Variants in ING3 observed in about 807,000 individuals in gnomAD.
ING3 encodes inhibitor of growth protein 3.
A neutral mutation model predicts 64.8 loss-of-function variants in ING3; 6 were observed. That is an observed-to-expected ratio of 0.09 (90% CI 0.05 to 0.18). ING3 has a LOEUF of 0.18. Ranked by LOEUF, ING3 falls within the 10% of genes least tolerant of loss-of-function variation. The pLI, the probability that ING3 is intolerant of heterozygous loss-of-function variation, is 1.00. For missense variants in ING3, 310 were observed against 489.7 expected (o/e 0.63, Z 3.46); for synonymous variants, 170 against 173.7 (o/e 0.98, Z 0.17).
chr7:120,969,704 A>G (rs1412713183), intron 9 of ING3, among the ~76,000 whole-genome samples: 1 of 152,184 alleles, frequency 6.6e-6, no homozygotes, highest in Non-Finnish European at 1.5e-5. Flanking sequence ...ATGACTGTAT[A>G]AGCTTTAAAT....
At chr7:120,973,722 CT>C (rs1258649419) in intron 11 of ING3, among the ~76,000 whole-genome samples, 4 of 152,096 alleles carry the variant, frequency 2.6e-5, no homozygotes, top group African/African-American at 9.7e-5. Flanking sequence ...AGAGCCACCC[CT>C]GATCTAAAAA....
rs557517010 is a variant in ING3, at chr7:120,974,365, A to C, written c.1141-363A>C. Reference sequence around the variant, plus strand: ...ATTCTACTTTATGAGACAGCAAATAAGGCTGACTATTAAATAAAATCTTAA... The same window carrying C: ...ATTCTACTTTATGAGACAGCAAATACGGCTGACTATTAAATAAAATCTTAA... On this transcript the variant is annotated intron_variant, in intron 11 of 11. Coordinates refer to ENST00000315870, the MANE Select transcript of ING3 (RefSeq NM_019071.3). Among the ~76,000 whole-genome samples the C allele has an allele frequency of 8.5e-5, 13 of 152,344 alleles. No individual in the cohort carries two copies. The East Asian group carries it at 2.5e-3, about 29-fold the overall frequency.
chr7:120,968,503 C>G (rs1183420595), intron 8 of ING3, among the ~76,000 whole-genome samples: 1 of 152,022 alleles, frequency 6.6e-6, no homozygotes, highest in African/African-American at 2.4e-5. Flanking sequence ...GCTGCCCATC[C>G]CATAGTTTAT....
intron 6 of ING3, among the ~76,000 whole-genome samples, chr7:120,966,987 A>G: frequency 6.6e-6 from 1 of 152,174 alleles, no homozygotes; most frequent in South Asian, 2.1e-4. Flanking sequence ...TCAACTGAGC[A>G]TTCTCCTTAG....
chr7:120,956,164 A>C lies in ING3; in HGVS notation c.267+540A>C, dbSNP rs373539829. Reference sequence around the variant, plus strand: ...AACAAGATTCTTTTTTTGCAGCAGCACTTCTAAAAGATTGAAAACACCAAG... The same window carrying C: ...AACAAGATTCTTTTTTTGCAGCAGCCCTTCTAAAAGATTGAAAACACCAAG... On this transcript the variant is annotated intron_variant, in intron 4 of 11. Coordinates refer to ENST00000315870, the MANE Select transcript of ING3 (RefSeq NM_019071.3). 44 of 1,604,388 alleles carry C rather than the reference A, an allele frequency of 2.7e-5. 1 individual carries two copies. Among genetic ancestry groups the C allele is most frequent in the Non-Finnish European group, 3.3e-5 (39 of 1,172,604 alleles).
intron 4 of ING3, among the ~76,000 whole-genome samples, chr7:120,958,292 T>TA (rs979010074): frequency 1.6e-4 from 25 of 152,260 alleles, no homozygotes; most frequent in Non-Finnish European, 2.6e-4. Flanking sequence ...ATCCTTAATA[T>TA]AAAAAATCCC....
intron 4 of ING3, among the ~76,000 whole-genome samples, chr7:120,957,403 GC>G (rs1193034198): frequency 6.6e-6 from 1 of 151,876 alleles, no homozygotes; most frequent in African/African-American, 2.4e-5. Flanking sequence ...ACTAGAAATG[GC>G]TCTTGTCCTC....
At chr7:120,961,471 C>G (rs753834814) in intron 4 of ING3, among the ~76,000 whole-genome samples, 1 of 152,146 alleles carries the variant, frequency 6.6e-6, no homozygotes, top group Non-Finnish European at 1.5e-5. Context: ...GTATTGGAAG[C>G]AGTAGATCAT....
intron 4 of ING3, chr7:120,956,357 G>C (rs141185906): frequency 7.3e-7 from 1 of 1,364,104 alleles, no homozygotes; most frequent in Non-Finnish European, 9.5e-7. Flanking sequence ...TAACTTCAGT[G>C]TATAGATTTC....
chr7:120,952,241 A>G (rs952620738), intron 2 of ING3, among the ~76,000 whole-genome samples: 12 of 152,230 alleles, frequency 7.9e-5, no homozygotes, highest in Middle Eastern at 3.2e-3. Context: ...GAGCACAGAC[A>G]TTGATGTCAG....
intron 4 of ING3, chr7:120,956,118 A>C (rs1795842517): frequency 1.5e-6 from 2 of 1,330,090 alleles, no homozygotes; most frequent in East Asian, 4.6e-5. Flanking sequence ...TTGTTTAAGC[A>C]ATACAAGATG....
At position 120,967,565 on chromosome 7, in the gene ING3, C is replaced by A. The variant is rs761324262; in HGVS notation, c.473C>A (p.Thr158Lys). ...KYNPTSHHTT[T>K]DHIPEKKFKS... Reference sequence around the variant, plus strand: ...AATCCAACTTCTCACCATACGACAACAGATCATATTCCTGAAAAGAAATTT... The same window carrying A: ...AATCCAACTTCTCACCATACGACAAAAGATCATATTCCTGAAAAGAAATTT... The change falls in exon 7 of 12, where the codon ACA becomes AAA. Residue 158 changes from threonine (T) to lysine (K), a missense_variant. Transcript: ENST00000315870. 6 of 1,587,798 alleles carry A rather than the reference C, an allele frequency of 3.8e-6. No homozygotes were observed. The East Asian group carries it at 1.1e-4, about 30-fold the overall frequency.
chr7:120,967,029 A>G (rs1187674717), intron 6 of ING3, among the ~76,000 whole-genome samples: 3 of 152,168 alleles, frequency 2.0e-5, no homozygotes, highest in African/African-American at 4.8e-5. Flanking sequence ...ACAATAAGCT[A>G]TTTTGTAATA....
At chr7:120,959,881 G>A (rs1003262114) in intron 4 of ING3, among the ~76,000 whole-genome samples, 1 of 151,762 alleles carries the variant, frequency 6.6e-6, no homozygotes, top group South Asian at 2.1e-4. Context: ...TCCTGACCTC[G>A]TGATCCGCCC....
At chr7:120,956,701 G>A (rs1795853225) in intron 4 of ING3, 1 of 963,818 alleles carries the variant, frequency 1.0e-6, no homozygotes, top group Non-Finnish European at 1.2e-6. Context: ...AAAAAAAAAA[G>A]GTCTTAATTG....
At chr7:120,954,296 G>T (rs989982786) in intron 3 of ING3, among the ~76,000 whole-genome samples, 13 of 151,924 alleles carry the variant, frequency 8.6e-5, no homozygotes. Context: ...CGTGGTGGTG[G>T]GCGCCTGTGA....
rs958753859 is a variant in ING3, at chr7:120,951,103, G to T, written c.29-61G>T. The T allele has an allele frequency of 4.2e-5, 67 of 1,577,744 alleles. 2 individuals are homozygous for T. Among genetic ancestry groups the T allele is most frequent in the Middle Eastern group, 1.7e-4 (1 of 6,004 alleles). On this transcript the variant is annotated intron_variant, in intron 1 of 11. Transcript: ENST00000315870. ...TCGACCCCCCTGACGCACGCGCGCA[G>T]TGACGTAAGCGCGTATTTCGCCGTT...
chr7:120,974,793 C>T lies in ING3; in HGVS notation c.1206C>T (p.Tyr402=), dbSNP rs1272201222. The stretch of plus-strand genomic sequence containing the variant: ...CAGAGGCACCAAAAGGCAAATGGTA[C>T]TGTCCACAGTGCACTGCTGCAATGA... ...GLTEAPKGKW[Y]CPQCTAAMKR... The change falls in exon 12 of 12, where the codon TAC becomes TAT. Residue 402 remains tyrosine (Y), a synonymous_variant. Transcript: ENST00000315870. 1.9e-6 allele frequency: 3 copies of T among 1,612,856 alleles called. No homozygotes were observed. Among genetic ancestry groups the T allele is most frequent in the East Asian group, 2.2e-5 (1 of 44,842 alleles).
chr7:120,950,861 C>T lies in ING3; in HGVS notation c.-36C>T, dbSNP rs1403295098. On this transcript the variant is annotated 5_prime_UTR_variant, in exon 1 of 12. Transcript: ENST00000315870. ...GACAGCGAGTGACACAAATAAACCC[C>T]TGGACCCCCTTGTTCCCTCAGCTCT... 7.4e-6 allele frequency: 12 copies of T among 1,613,154 alleles called. No homozygotes were observed. The highest frequency in any genetic ancestry group is 9.3e-6 in the Non-Finnish European group (11 of 1,179,544).
Sources: allele counts gnomAD v4.1 joint callset (sites outside exome capture counted in the v4.1 genomes callset), GRCh38; gene constraint gnomAD v4.1.1; transcripts MANE v1.5; gene names NCBI Gene and HGNC (gene_info 2026-07-23, HGNC 2026-07-21).